Variants in LANCL3 observed in about 807,000 individuals in gnomAD.
LANCL3 encodes the protein LanC like family member 3, also known as lanC-like protein 3.
In LANCL3, 19 loss-of-function variants were observed where a neutral mutation model predicts 26.5. The ratio of observed to expected loss-of-function variants is 0.72; its 90% confidence interval spans 0.50 to 1.05. The LOEUF (loss-of-function observed/expected upper bound fraction) is 1.05. Among genes scored for constraint, LANCL3 ranks in the 50% least tolerant of loss-of-function variants. The pLI is 0.00. For synonymous variants in LANCL3, 160 were observed against 166.6 expected, an observed-to-expected ratio of 0.96 and a Z score of 0.30; for missense variants, 318 against 362.7, an observed-to-expected ratio of 0.88 and a Z score of 1.00.
At chrX:37,672,565 G>A (rs1250816183) in intron 4 of LANCL3, among the ~76,000 whole-genome samples, 1 of 111,960 alleles carries the variant, frequency 8.9e-6, no homozygotes, top group Non-Finnish European at 1.9e-5. Flanking sequence ...TCTCAGTTCC[G>A]ATTGGTCAGT....
At chrX:37,584,426 C>T (rs1431193925) in intron 1 of LANCL3, among the ~76,000 whole-genome samples, 2 of 109,662 alleles carry the variant, frequency 1.8e-5, no homozygotes, top group Non-Finnish European at 3.8e-5. Context: ...TGGTAGAATT[C>T]GGCTGTGAAT....
intron 1 of LANCL3, among the ~76,000 whole-genome samples, chrX:37,626,959 G>C (rs1379591470): frequency 2.7e-5 from 3 of 111,917 alleles, no homozygotes; most frequent in African/African-American, 9.7e-5. Context: ...TGAGTATTAT[G>C]GGAAGGCTGT....
At chrX:37,673,872 C>A (rs913685948) in intron 4 of LANCL3, among the ~76,000 whole-genome samples, 12 of 111,587 alleles carry the variant, frequency 1.1e-4, no homozygotes, top group Non-Finnish European at 2.3e-4. Flanking sequence ...TTCTTTTATA[C>A]TATGATTTTA....
At chrX:37,640,448 G>A (rs1176546478) in intron 1 of LANCL3, among the ~76,000 whole-genome samples, 2 of 111,571 alleles carry the variant, frequency 1.8e-5, no homozygotes, top group East Asian at 5.7e-4. Flanking sequence ...CCCTTCCCCC[G>A]ACATGTGAGG....
chrX:37,585,640 A>G (rs1220091438), intron 1 of LANCL3, among the ~76,000 whole-genome samples: 2 of 110,552 alleles, frequency 1.8e-5, no homozygotes, highest in East Asian at 2.8e-4. Flanking sequence ...TTTGTTTTCC[A>G]TTTGCTTGGT....
intron 1 of LANCL3, among the ~76,000 whole-genome samples, chrX:37,647,223 A>G (rs1556427284): frequency 9.0e-6 from 1 of 111,157 alleles, no homozygotes; most frequent in African/African-American, 3.3e-5. Context: ...CTGAGGCAGG[A>G]GAATGGCATG....
chrX:37,636,858 A>G (rs782248113), intron 1 of LANCL3, among the ~76,000 whole-genome samples: 14 of 112,392 alleles, frequency 1.2e-4, no homozygotes, highest in Non-Finnish European at 1.9e-5. Context: ...AACAGATTTT[A>G]AATGGAATAT....
At chrX:37,652,569 C>T (rs1265275380) in intron 1 of LANCL3, among the ~76,000 whole-genome samples, 5 of 112,469 alleles carry the variant, frequency 4.4e-5, no homozygotes, top group African/African-American at 1.6e-4. Flanking sequence ...TCTATTCCAT[C>T]CAAAATATCA....
At chrX:37,622,879 C>T (rs1409621728) in intron 1 of LANCL3, among the ~76,000 whole-genome samples, 21 of 112,130 alleles carry the variant, frequency 1.9e-4, no homozygotes, top group African/African-American at 6.5e-4. Flanking sequence ...CTGTACATTC[C>T]CATAAGACAT....
intron 1 of LANCL3, among the ~76,000 whole-genome samples, chrX:37,646,367 T>G (rs782821021): frequency 1.5e-4 from 17 of 112,269 alleles, no homozygotes; most frequent in Non-Finnish European, 2.8e-4. Flanking sequence ...TCAAAGAAGC[T>G]CCTCCAAGTT....
intron 1 of LANCL3, among the ~76,000 whole-genome samples, chrX:37,607,455 T>C (rs1924748126): frequency 8.9e-6 from 1 of 112,565 alleles, no homozygotes; most frequent in Non-Finnish European, 1.9e-5. Context: ...GAATGAATCA[T>C]TTGTTGAAAT....
chrX:37,669,082 T>C (rs1926616961), intron 4 of LANCL3, among the ~76,000 whole-genome samples: 1 of 112,537 alleles, frequency 8.9e-6, no homozygotes, highest in African/African-American at 3.2e-5. Context: ...TTCCAGACTT[T>C]TCTTTATGTG....
At chrX:37,648,612 G>A (rs1301985698) in intron 1 of LANCL3, among the ~76,000 whole-genome samples, 5 of 111,965 alleles carry the variant, frequency 4.5e-5, no homozygotes, top group East Asian at 2.8e-4. Flanking sequence ...TTGACAAATG[G>A]GATCTAATTA....
intron 1 of LANCL3, among the ~76,000 whole-genome samples, chrX:37,625,234 T>C (rs1556422842): frequency 1.8e-5 from 2 of 111,789 alleles, no homozygotes. Context: ...CTAACAAATA[T>C]CCCTAAATCT....
intron 1 of LANCL3, among the ~76,000 whole-genome samples, chrX:37,654,581 C>A (rs1556430253): frequency 2.7e-5 from 3 of 112,048 alleles, no homozygotes; most frequent in Non-Finnish European, 5.6e-5. Flanking sequence ...CCAGAACAGT[C>A]TTGCCTGGAA....
intron 1 of LANCL3, among the ~76,000 whole-genome samples, chrX:37,639,295 G>A (rs138496800): frequency 0.017 from 1,757 of 101,648 alleles, 38 homozygotes; most frequent in African/African-American, 0.06. Context: ...GTGTGTATAT[G>A]TATATTATAT....
intron 1 of LANCL3, among the ~76,000 whole-genome samples, chrX:37,636,512 G>GT (rs1356190438): frequency 8.9e-6 from 1 of 112,315 alleles, no homozygotes; most frequent in African/African-American, 3.2e-5. Flanking sequence ...TTGCGTAATT[G>GT]TCTTTCATGA....
chrX:37,666,622 T>G (rs1556434064), intron 3 of LANCL3, among the ~76,000 whole-genome samples: 1 of 112,012 alleles, frequency 8.9e-6, no homozygotes, highest in African/African-American at 3.2e-5. Flanking sequence ...TATTAATAGC[T>G]GTTGCTTCTC....
At chrX:37,672,502 T>A (rs1370366267) in intron 4 of LANCL3, among the ~76,000 whole-genome samples, 1 of 112,112 alleles carries the variant, frequency 8.9e-6, no homozygotes, top group Non-Finnish European at 1.9e-5. Context: ...CTGGGTTTTA[T>A]AGCAAAGTTG....
Sources: allele counts gnomAD v4.1 joint callset (sites outside exome capture counted in the v4.1 genomes callset), GRCh38; gene constraint gnomAD v4.1.1; transcripts MANE v1.5; gene names NCBI Gene and HGNC (gene_info 2026-07-23, HGNC 2026-07-21).